The following CPEB2 variants were observed in gnomAD, a reference collection of about 807,000 sequenced individuals.
CPEB2 encodes the protein cytoplasmic polyadenylation element-binding protein 2.
CPEB2 carries 56 observed loss-of-function variants against 93.6 expected under a neutral mutation model. That is an observed-to-expected ratio of 0.60 (90% CI 0.48 to 0.75). CPEB2 has a LOEUF of 0.75. CPEB2 is among the 30% of genes least tolerant of loss of function. The probability of loss-of-function intolerance (pLI) is 0.00; values close to 1 mark genes in which losing one functional copy is unlikely to be tolerated. For synonymous variants in CPEB2, 764 were observed against 586.3 expected, an observed-to-expected ratio of 1.30 and a Z score of -4.38; for missense variants, 1,579 against 1,395.1, an observed-to-expected ratio of 1.13 and a Z score of -2.10.
At position 15,003,115 on chromosome 4, in the gene CPEB2, T is replaced by TCCTCCTCCTCCG; in HGVS notation, c.452_463dup (p.Ser151_Ser154dup). 6.6e-7 allele frequency: 1 copy of TCCTCCTCCTCCG among 1,519,812 alleles called. No individual in the cohort carries two copies. Among genetic ancestry groups the TCCTCCTCCTCCG allele is most frequent in the Non-Finnish European group, 8.8e-7 (1 of 1,139,500 alleles). 94.1% of individuals were successfully genotyped at this position (1,519,812 alleles called of 1,614,324 possible). On this transcript the variant is annotated inframe_insertion, in exon 1 of 12. Coordinates refer to ENST00000538197, the MANE Select transcript of CPEB2 (RefSeq NM_001177382.2). ...CTTCAAACCGAGTCTGCACCACCCC[T>TCCTCCTCCTCCG]CCTCCTCCTCCGCCTCCTCCTGCTG...
chr4:15,009,579 A>G (rs1723225017), intron 3 of CPEB2, among the ~76,000 whole-genome samples: 1 of 152,208 alleles, frequency 6.6e-6, no homozygotes, highest in South Asian at 2.1e-4. Context: ...ATGAATGCCT[A>G]GGAGATGGTA....
chr4:15,007,699 A>AT, intron 2 of CPEB2, 113 bp downstream of exon 2: 1 of 588,168 alleles, frequency 1.7e-6, no homozygotes, highest in Non-Finnish European at 2.6e-6. Context: ...TAAAGTTTTA[A>AT]TTTTTAAGCA....
At chr4:15,044,006 C>A (rs985980490) in intron 6 of CPEB2, among the ~76,000 whole-genome samples, 13 of 152,012 alleles carry the variant, frequency 8.6e-5, no homozygotes, top group African/African-American at 2.4e-4. Flanking sequence ...TGTGAAGTAC[C>A]CAGGGTAACT....
In CPEB2 at chr4:15,004,167, C is replaced by T. The variant is rs750627439; in HGVS notation, c.1494C>T (p.Pro498=). Reference sequence around the variant, plus strand: ...GCCCCTTCTCGGCTACCGCTGTGCCCCCTCCGCCGCCGCCCGCCATGAATA... The same window carrying T: ...GCCCCTTCTCGGCTACCGCTGTGCCTCCTCCGCCGCCGCCCGCCATGAATA... The part of the protein sequence containing the change: ...FGGPFSATAV[P]PPPPPAMNIP... Residue 498 remains proline, a synonymous_variant, in exon 1 of 12, where the codon CCC becomes CCT. Coordinates refer to ENST00000538197, the MANE Select transcript of CPEB2 (RefSeq NM_001177382.2). 3 of 1,434,520 alleles carry T rather than the reference C, an allele frequency of 2.1e-6. No homozygotes were observed. Among genetic ancestry groups the T allele is most frequent in the South Asian group, 1.4e-5 (1 of 71,516 alleles). The allele number at this position is 1,434,520 out of a possible 1,614,324, so 88.9% of individuals were successfully genotyped here.
Position 15,002,657 on chromosome 4 carries a change from T to A in CPEB2, c.-17T>A. 1 of 1,481,838 alleles carries A rather than the reference T, an allele frequency of 6.7e-7. No homozygotes were observed. Among genetic ancestry groups the A allele is most frequent in the South Asian group, 1.3e-5 (1 of 78,556 alleles). 91.8% of individuals were successfully genotyped at this position (1,481,838 alleles called of 1,614,324 possible). A position where few individuals can be genotyped will look rare whatever the true frequency, so the allele number is the denominator to read the frequency against. ...GGGGACGAGGAGCGTCTCCTCCCGC[T>A]GCCGGCGGCCTGATAAATGAGGGAT... On this transcript the variant is annotated 5_prime_UTR_variant, in exon 1 of 12. Coordinates refer to ENST00000538197, the MANE Select transcript of CPEB2 (RefSeq NM_001177382.2).
intron 8 of CPEB2, among the ~76,000 whole-genome samples, chr4:15,056,510 G>A (rs916892325): frequency 1.3e-5 from 2 of 152,092 alleles, no homozygotes; most frequent in East Asian, 3.9e-4. Context: ...TTCTCTAATC[G>A]AAAAAATAAA....
Position 15,003,223 on chromosome 4 carries a change from C to G in CPEB2, c.550C>G (p.Pro184Ala). Residue 184 changes from proline (P) to alanine (A), a missense_variant, in exon 1 of 12, where the codon CCT becomes GCT. Pro to Ala is a conservative substitution (Grantham distance 27). Around this residue, in one of 2 missense-constraint regions of CPEB2, gnomAD observed 1,411 missense variants for 1,056.0 expected, o/e 1.34. Coordinates refer to ENST00000538197, the MANE Select transcript of CPEB2 (RefSeq NM_001177382.2). Reference sequence around the variant, plus strand: ...CAGCCAGAAGAGGAAAGAGTTCAGCCCTCCCCACCTTCCCCACCCTCCGGA... The same window carrying G: ...CAGCCAGAAGAGGAAAGAGTTCAGCGCTCCCCACCTTCCCCACCCTCCGGA... The part of the protein sequence containing the change: ...LSSQKRKEFS[P>A]PHLPHPPDSK... 6.5e-7 allele frequency: 1 copy of G among 1,531,736 alleles called. No individual in the cohort carries two copies. The allele number at this position is 1,531,736 out of a possible 1,614,324, so 94.9% of individuals were successfully genotyped here.
chr4:15,040,773 G>C (rs561126000), intron 6 of CPEB2, among the ~76,000 whole-genome samples: 4 of 152,006 alleles, frequency 2.6e-5, no homozygotes, highest in Non-Finnish European at 4.4e-5. Flanking sequence ...GCTGTTTATG[G>C]TTTGTCTGCT....
intron 8 of CPEB2, 83 bp from the exon 9 acceptor site, chr4:15,058,338 G>A (rs1728895772): frequency 1.0e-5 from 7 of 697,724 alleles, no homozygotes; most frequent in South Asian, 3.6e-5. Flanking sequence ...TTTTTCAAAA[G>A]CATGTATTTT....
chr4:15,056,574 A>G (rs1337245266), intron 8 of CPEB2, among the ~76,000 whole-genome samples: 1 of 152,178 alleles, frequency 6.6e-6, no homozygotes, highest in Non-Finnish European at 1.5e-5. Flanking sequence ...AAATGTAGAC[A>G]TTTCCAAAGA....
At chr4:15,038,743 C>T (rs900645093) in intron 5 of CPEB2, among the ~76,000 whole-genome samples, 1 of 152,098 alleles carries the variant, frequency 6.6e-6, no homozygotes, top group Non-Finnish European at 1.5e-5. Context: ...TGCCTGCCAC[C>T]ACGCCCGGCT....
intron 8 of CPEB2, among the ~76,000 whole-genome samples, chr4:15,056,384 A>G (rs1248455791): frequency 6.6e-6 from 1 of 152,206 alleles, no homozygotes; most frequent in Non-Finnish European, 1.5e-5. Flanking sequence ...GTTCACTTAC[A>G]AGGATGGTGT....
chr4:15,048,935 G>A (rs1259827505), intron 6 of CPEB2, among the ~76,000 whole-genome samples: 2 of 151,862 alleles, frequency 1.3e-5, no homozygotes. Flanking sequence ...CAAGGTAAAA[G>A]GTCAGACTTT....
rs777747272 is a variant in CPEB2, at chr4:15,058,507, T to G, written c.2548T>G (p.Cys850Gly). ...TGAAGAAGATGGAAAACTCTATCTG[T>G]GTGTTTCTAGCCCTACTATCAAGGA... ...CIEEDGKLYL[C>G]VSSPTIKDKP... Residue 850 changes from cysteine to glycine, a missense_variant, in exon 9 of 12, where the codon TGT becomes GGT. Cys to Gly is a radical substitution (Grantham distance 159). This residue lies in a region of CPEB2 where 168 missense variants were observed against 339.1 expected (regional missense o/e 0.50). Transcript: ENST00000538197. 1 of 1,609,368 alleles carries G rather than the reference T, an allele frequency of 6.2e-7. No homozygotes were observed. The highest frequency in any genetic ancestry group is 1.1e-5 in the South Asian group (1 of 90,970).
intron 8 of CPEB2, among the ~76,000 whole-genome samples, chr4:15,055,683 G>A (rs1260693978): frequency 6.6e-6 from 1 of 152,148 alleles, no homozygotes; most frequent in African/African-American, 2.4e-5. Flanking sequence ...CCCTTTAATG[G>A]TTTCTCTTAT....
chr4:15,009,431 G>C (rs1560215251), intron 3 of CPEB2, among the ~76,000 whole-genome samples: 1 of 152,168 alleles, frequency 6.6e-6, no homozygotes, highest in East Asian at 1.9e-4. Flanking sequence ...AGAAATGGTA[G>C]TTACTTCATG....
In CPEB2 at chr4:15,002,930, T is replaced by C; in HGVS notation, c.257T>C (p.Phe86Ser). 6.6e-7 allele frequency: 1 copy of C among 1,515,730 alleles called. No individual in the cohort carries two copies. The highest frequency in any genetic ancestry group is 8.8e-7 in the Non-Finnish European group (1 of 1,141,686). 93.9% of individuals were successfully genotyped at this position (1,515,730 alleles called of 1,614,324 possible). A position where few individuals can be genotyped will look rare whatever the true frequency, so the allele number is the denominator to read the frequency against. The change falls in exon 1 of 12, where the codon TTC becomes TCC. Residue 86 changes from phenylalanine (F) to serine (S), a missense_variant. Physicochemically the swap from Phe to Ser is radical, Grantham distance 155. Coordinates refer to ENST00000538197, the MANE Select transcript of CPEB2 (RefSeq NM_001177382.2). The stretch of plus-strand genomic sequence containing the variant: ...GCCGCCGCTTCCTCTTCCTCCCCGT[T>C]CCTGGCGCATCAGCAGACCATGCAG... Reference protein sequence around the residue: ...PAAAASSSSPFLAHQQTMQDE... With the variant: ...PAAAASSSSPSLAHQQTMQDE...
chr4:15,031,962 G>A (rs1577412088), intron 4 of CPEB2, among the ~76,000 whole-genome samples: 2 of 152,056 alleles, frequency 1.3e-5, no homozygotes, highest in African/African-American at 2.4e-5. Context: ...AGGTGGTAAA[G>A]GTAGATGCAG....
chr4:15,069,276 A>T lies in CPEB2; in HGVS notation c.*2896A>T, dbSNP rs1356496245. 6.6e-6 allele frequency: 1 copy of T among 152,234 alleles called. No homozygotes were observed. Among genetic ancestry groups the T allele is most frequent in the Non-Finnish European group, 1.5e-5 (1 of 67,820 alleles). 9.4% of individuals were successfully genotyped at this position (152,234 alleles called of 1,614,324 possible). ...AGATGCTACAAAACTTGAATATAAC[A>T]CATTTTGGAAGGCTGACTAACCTCG... On this transcript the variant is annotated 3_prime_UTR_variant, in exon 12 of 12. Coordinates refer to ENST00000538197, the MANE Select transcript of CPEB2 (RefSeq NM_001177382.2).
Sources: gnomAD v4.1 joint callset for allele counts (sites outside exome capture counted in the v4.1 genomes callset) on GRCh38, gnomAD v4.1.1 for gene constraint, gnomAD v4.1.1 regional missense constraint, MANE v1.5 for transcripts, NCBI Gene and HGNC (gene_info 2026-07-23, HGNC 2026-07-21) for gene names.